Variants in ZNF469 observed in about 807,000 individuals in gnomAD.
ZNF469 encodes the protein zinc finger protein 469.
Under a neutral mutation model 1.0 loss-of-function variants are expected in ZNF469, and 1 was observed. The observed-to-expected ratio is 1.00, with a 90% CI of 0.35 to 4.73. ZNF469 has a LOEUF of 4.73. ZNF469 is among the 30% of genes most tolerant of loss of function. The pLI is 0.16. For missense variants in ZNF469, 6,100 were observed against 5,356.3 expected (o/e 1.14, Z -4.33); for synonymous variants, 2,703 against 2,363.4 (o/e 1.14, Z -4.17).
chr16:88,384,717 G>A (rs6500426), intron 1 of ZNF469, among the ~76,000 whole-genome samples: 34,902 of 152,148 alleles, frequency 0.23, 4,284 homozygotes, highest in African/African-American at 0.29. Flanking sequence ...TGAAGGGTGT[G>A]TGGCTGTAAT....
the ZNF469 span, among the ~76,000 whole-genome samples, chr16:88,295,980 C>T: frequency 1.3e-5 from 2 of 152,208 alleles, no homozygotes; most frequent in African/African-American, 2.4e-5. Context: ...TTGGATGTCG[C>T]GCCATCCCTG....
chr16:88,373,297 C>A, the ZNF469 span, among the ~76,000 whole-genome samples: 1 of 152,328 alleles, frequency 6.6e-6, no homozygotes, highest in South Asian at 2.1e-4. Context: ...TGGTATATGG[C>A]TTGCAGGAGT....
At chr16:88,221,169 G>A in the ZNF469 span, among the ~76,000 whole-genome samples, 2 of 152,330 alleles carry the variant, frequency 1.3e-5, no homozygotes, top group East Asian at 1.9e-4. Flanking sequence ...GTTCTGGATA[G>A]AGCAGGCCTC....
the ZNF469 span, among the ~76,000 whole-genome samples, chr16:88,139,003 T>C: frequency 6.6e-6 from 1 of 152,234 alleles, no homozygotes; most frequent in African/African-American, 2.4e-5. Flanking sequence ...TGTCCCAATG[T>C]AAACACACAG....
Position 88,427,500 on chromosome 16 carries a change from GC to G in ZNF469, c.36del (p.Thr13ProfsTer2), listed in dbSNP as rs1350473091. On this transcript the variant is annotated frameshift_variant, in exon 3 of 3. Coordinates refer to ENST00000565624, the MANE Select transcript of ZNF469 (RefSeq NM_001367624.2). LOFTEE classifies it low-confidence loss of function (END_TRUNC). ...CTGGGGAGCGCCCCCGAGGAGCGCC[GC>G]CCCCCACCATGACTGGAGACCTGCA... MPGERPRGAP[P>X]PTMTGDLQPR... The G allele has an allele frequency of 2.6e-6, 4 of 1,528,712 alleles. No individual in the cohort carries two copies. The highest frequency in any genetic ancestry group is 2.5e-5 in the East Asian group (1 of 40,740). 94.7% of individuals were successfully genotyped at this position (1,528,712 alleles called of 1,614,324 possible).
the ZNF469 span, among the ~76,000 whole-genome samples, chr16:88,252,574 G>A: frequency 6.6e-6 from 1 of 152,062 alleles, no homozygotes; most frequent in Non-Finnish European, 1.5e-5. Flanking sequence ...GTTGTTATCT[G>A]CGGGAAGGTT....
At chr16:88,242,286 T>C in the ZNF469 span, among the ~76,000 whole-genome samples, 3 of 152,188 alleles carry the variant, frequency 2.0e-5, no homozygotes, top group African/African-American at 7.2e-5. Context: ...CTAAATGCAT[T>C]TTCAAAATTC....
chr16:88,215,305 A>G, the ZNF469 span, among the ~76,000 whole-genome samples: 2 of 151,154 alleles, frequency 1.3e-5, no homozygotes, highest in African/African-American at 4.9e-5. Context: ...AATTACTGAA[A>G]TACTTGCATT....
In ZNF469 at chr16:88,434,629, C is replaced by T. The variant is rs886052409; in HGVS notation, c.7159C>T (p.Arg2387Cys). Residue 2387 changes from arginine (R) to cysteine (C), a missense_variant, in exon 3 of 3, where the codon CGC (arginine) becomes TGC (cysteine). Transcript: ENST00000565624. Reference sequence around the variant, plus strand: ...GGACCCAGGGACCCCTGAGACCGGGCGCTCTGGTGCTACCAAGATGCCCAG... The same window carrying T: ...GGACCCAGGGACCCCTGAGACCGGGTGCTCTGGTGCTACCAAGATGCCCAG... ...PEDPGTPETG[R>C]SGATKMPRVT... The T allele has an allele frequency of 5.8e-6, 9 of 1,550,178 alleles. No individual in the cohort carries two copies. Among genetic ancestry groups the T allele is most frequent in the South Asian group, 1.2e-5 (1 of 84,064 alleles).
chr16:88,146,712 C>T, the ZNF469 span, among the ~76,000 whole-genome samples: 2 of 152,174 alleles, frequency 1.3e-5, no homozygotes, highest in Non-Finnish European at 1.5e-5. Flanking sequence ...CCACACAGCA[C>T]AAGGGTGGTT....
the ZNF469 span, among the ~76,000 whole-genome samples, chr16:88,182,399 T>C: frequency 1.1e-4 from 17 of 152,054 alleles, no homozygotes; most frequent in African/African-American, 4.1e-4. Context: ...TATATGAAAA[T>C]TAAAAGGCAC....
At chr16:88,196,918 C>T in the ZNF469 span, among the ~76,000 whole-genome samples, 3 of 152,142 alleles carry the variant, frequency 2.0e-5, no homozygotes, top group Non-Finnish European at 4.4e-5. Flanking sequence ...CTGCTTATGC[C>T]CTTAGGGAGA....
chr16:88,200,140 C>T, the ZNF469 span, among the ~76,000 whole-genome samples: 1 of 151,994 alleles, frequency 6.6e-6, no homozygotes, highest in East Asian at 1.9e-4. Context: ...GAGAACACGG[C>T]AGTGGGGTGT....
chr16:88,437,647 C>A lies in ZNF469; in HGVS notation c.10177C>A (p.Arg3393=). 2 of 1,543,388 alleles carry A rather than the reference C, an allele frequency of 1.3e-6. No individual in the cohort carries two copies. The highest frequency in any genetic ancestry group is 1.8e-6 in the Non-Finnish European group (2 of 1,141,934). ...HLGGAHGLLE[R]PELQHTPLYA... ...GGGCGGGGCGCACGGGCTGCTGGAGCGGCCGGAGCTGCAGCACACGCCGCT... is the reference window on the plus strand; with the variant it reads ...GGGCGGGGCGCACGGGCTGCTGGAGAGGCCGGAGCTGCAGCACACGCCGCT... Residue 3393 remains arginine, a synonymous_variant, in exon 3 of 3, where the codon CGG becomes AGG. Coordinates refer to ENST00000565624, the MANE Select transcript of ZNF469 (RefSeq NM_001367624.2).
the ZNF469 span, among the ~76,000 whole-genome samples, chr16:88,155,603 G>A: frequency 4.2e-3 from 635 of 152,300 alleles, 3 homozygotes; most frequent in Middle Eastern, 6.8e-3. Context: ...TCCAAATGGC[G>A]TTCTCCATCT....
At chr16:88,144,131 G>A in the ZNF469 span, among the ~76,000 whole-genome samples, 6 of 152,320 alleles carry the variant, frequency 3.9e-5, no homozygotes, top group South Asian at 2.1e-4. Context: ...GGGCCGTCCC[G>A]GAGCAGGGCA....
chr16:88,306,576 G>A, the ZNF469 span, among the ~76,000 whole-genome samples: 7 of 152,334 alleles, frequency 4.6e-5, no homozygotes, highest in African/African-American at 1.7e-4. Context: ...CAACACTGGG[G>A]CCACCAGCAC....
chr16:88,121,444 G>C, the ZNF469 span, among the ~76,000 whole-genome samples: 2 of 152,200 alleles, frequency 1.3e-5, no homozygotes, highest in African/African-American at 4.8e-5. Context: ...CCATCGGAGG[G>C]GCTGGCTCAG....
the ZNF469 span, among the ~76,000 whole-genome samples, chr16:88,280,026 T>G: frequency 3.3e-5 from 5 of 151,546 alleles, no homozygotes; most frequent in Admixed American, 3.3e-4. Flanking sequence ...TGACACTCAG[T>G]CAGTACCGTG....
Sources: gnomAD v4.1 joint callset for allele counts (sites outside exome capture counted in the v4.1 genomes callset) on GRCh38, gnomAD v4.1.1 for gene constraint, MANE v1.5 for transcripts, NCBI Gene and HGNC (gene_info 2026-07-23, HGNC 2026-07-21) for gene names.